The following EFCAB3 variants were observed in gnomAD, a reference collection of about 807,000 sequenced individuals.
The protein encoded by EFCAB3 is EF-hand calcium binding domain 3.
In EFCAB3, 36 loss-of-function variants were observed where a neutral mutation model predicts 42.2. The observed-to-expected ratio is 0.85, with a 90% CI of 0.65 to 1.13. The LOEUF (loss-of-function observed/expected upper bound fraction) is 1.13, where lower values mean the gene tolerates loss of function less well. Ranked by LOEUF, EFCAB3 falls within the 50% of genes most tolerant of loss-of-function variation. The pLI is 0.00. For synonymous variants in EFCAB3, 170 were observed against 172.8 expected, an observed-to-expected ratio of 0.98 and a Z score of 0.13; for missense variants, 418 against 505.1, an observed-to-expected ratio of 0.83 and a Z score of 1.65.
intron 3 of EFCAB3, among the ~76,000 whole-genome samples, chr17:62,389,953 A>AT (rs1037218638): frequency 4.7e-4 from 71 of 152,040 alleles, no homozygotes; most frequent in African/African-American, 1.6e-3. Flanking sequence ...CGCTCAGCTA[A>AT]TTTTTTGTAT....
intron 5 of EFCAB3, among the ~76,000 whole-genome samples, 189 bp from the exon 6 acceptor site, chr17:62,394,879 A>T (rs1287984622): frequency 6.6e-6 from 1 of 152,190 alleles, no homozygotes; most frequent in Non-Finnish European, 1.5e-5. Flanking sequence ...AGTATTTTTT[A>T]ACATTCCATT....
intron 2 of EFCAB3, among the ~76,000 whole-genome samples, chr17:62,386,598 T>C (rs2070253679): frequency 6.6e-6 from 1 of 152,170 alleles, no homozygotes; most frequent in Admixed American, 6.5e-5. Flanking sequence ...AAAAAGAAAA[T>C]TGAAACAACT....
intron 6 of EFCAB3, chr17:62,397,741 T>C (rs555297562): frequency 4.3e-6 from 2 of 464,646 alleles, no homozygotes; most frequent in African/African-American, 2.0e-5. Flanking sequence ...AAGGTCATGC[T>C]GGGCCGAGCA....
intron 1 of EFCAB3, among the ~76,000 whole-genome samples, chr17:62,380,958 C>A (rs922999649): frequency 6.6e-6 from 1 of 152,098 alleles, no homozygotes; most frequent in African/African-American, 2.4e-5. Context: ...AAGTCAGCAA[C>A]CTAGTTTTCT....
intron 8 of EFCAB3, among the ~76,000 whole-genome samples, chr17:62,409,479 A>G (rs1042268412): frequency 6.6e-6 from 1 of 152,232 alleles, no homozygotes. Context: ...AGGCTATAAT[A>G]TGCTATGATC....
intron 2 of EFCAB3, 77 bp downstream of exon 2, chr17:62,383,130 G>T: frequency 7.3e-7 from 1 of 1,374,150 alleles, no homozygotes; most frequent in Non-Finnish European, 1.0e-6. Context: ...TTAGAATTTT[G>T]TCTAGCAGGT....
At chr17:62,393,767 CTTTT>C in intron 5 of EFCAB3, 123 bp downstream of exon 5, 1 of 745,400 alleles carries the variant, frequency 1.3e-6, no homozygotes, top group Non-Finnish European at 2.3e-6. Flanking sequence ...ATGTGAGTTA[CTTTT>C]GTACCTCTTC....
At chr17:62,390,861 G>A (rs1187176562) in intron 3 of EFCAB3, among the ~76,000 whole-genome samples, 2 of 152,192 alleles carry the variant, frequency 1.3e-5, no homozygotes, top group African/African-American at 4.8e-5. Flanking sequence ...TTATTCGGGT[G>A]TCATTTGGGA....
chr17:62,383,060 A>G lies in EFCAB3; in HGVS notation c.74+7A>G, dbSNP rs2070217393. ...CCATCTCCCACAATAAAAGGTAGGT[A>G]ATGAATGATTAAGGGTGATAAATGT... is the stretch of plus-strand genomic sequence containing the variant. On this transcript the variant is annotated splice_region_variant and intron_variant, in intron 2 of 9. Coordinates refer to ENST00000305286, the MANE Select transcript of EFCAB3 (RefSeq NM_173503.4). 5 of 1,603,600 alleles carry G rather than the reference A, an allele frequency of 3.1e-6. No homozygotes were observed. The African/African-American group carries it at 5.4e-5, about 17-fold the overall frequency.
chr17:62,391,456 G>A (rs1567723420), intron 3 of EFCAB3, among the ~76,000 whole-genome samples: 1 of 152,028 alleles, frequency 6.6e-6, no homozygotes, highest in East Asian at 1.9e-4. Context: ...CGTCTCTCCA[G>A]CTTCTAGCTA....
intron 1 of EFCAB3, chr17:62,381,851 G>A: frequency 2.3e-6 from 1 of 431,792 alleles, no homozygotes; most frequent in East Asian, 7.0e-5. Context: ...GTATTGGCAA[G>A]GTTGCCAGTG....
At chr17:62,396,500 G>C (rs1045907484) in intron 6 of EFCAB3, among the ~76,000 whole-genome samples, 5 of 151,862 alleles carry the variant, frequency 3.3e-5, no homozygotes, top group African/African-American at 1.2e-4. Flanking sequence ...GTTGCAGTGA[G>C]CCGAGATCAC....
intron 8 of EFCAB3, among the ~76,000 whole-genome samples, chr17:62,412,863 G>T (rs367638216): frequency 1.3e-5 from 2 of 151,962 alleles, no homozygotes; most frequent in Admixed American, 6.6e-5. Flanking sequence ...GCTATGTGGA[G>T]AATTTTAACT....
upstream of EFCAB3, among the ~76,000 whole-genome samples, chr17:62,376,166 C>A (rs1598003201): frequency 6.6e-6 from 1 of 152,174 alleles, no homozygotes; most frequent in African/African-American, 2.4e-5. Context: ...AATAATACTA[C>A]ATTTTCACTT....
intron 6 of EFCAB3, among the ~76,000 whole-genome samples, chr17:62,399,488 A>T (rs2070382666): frequency 6.6e-6 from 1 of 152,080 alleles, no homozygotes; most frequent in Non-Finnish European, 1.5e-5. Context: ...CTTTACAATG[A>T]CATATTGGCC....
intron 1 of EFCAB3, among the ~76,000 whole-genome samples, chr17:62,371,832 CT>C (rs1304800226): frequency 3.9e-5 from 6 of 152,088 alleles, no homozygotes; most frequent in Non-Finnish European, 8.8e-5. Flanking sequence ...TATATAAATA[CT>C]TTTTTATTTC....
intron 3 of EFCAB3, among the ~76,000 whole-genome samples, chr17:62,389,302 G>A (rs2070282654): frequency 6.6e-6 from 1 of 152,134 alleles, no homozygotes; most frequent in African/African-American, 2.4e-5. Flanking sequence ...TTGAGGATAT[G>A]GTCTCTGGAA....
At chr17:62,392,786 C>T (rs1161184593) in intron 4 of EFCAB3, among the ~76,000 whole-genome samples, 3 of 151,994 alleles carry the variant, frequency 2.0e-5, no homozygotes, top group Admixed American at 6.5e-5. Flanking sequence ...TACAGGCGCC[C>T]GCCACCATGC....
chr17:62,415,438 G>C (rs1203407115), intron 9 of EFCAB3, among the ~76,000 whole-genome samples: 1 of 152,174 alleles, frequency 6.6e-6, no homozygotes, highest in Non-Finnish European at 1.5e-5. Context: ...TGACTTATAA[G>C]ATTAAGTGTA....
Sources: gnomAD v4.1 joint callset for allele counts (sites outside exome capture counted in the v4.1 genomes callset) on GRCh38, gnomAD v4.1.1 for gene constraint, MANE v1.5 for transcripts, NCBI Gene and HGNC (gene_info 2026-07-23, HGNC 2026-07-21) for gene names.